HDAC9: variants seen among roughly 807,000 people sequenced by gnomAD.
HDAC9 encodes MEF-2 interacting transcription repressor (MITR) protein.
In HDAC9, 41 loss-of-function variants were observed where a neutral mutation model predicts 139.4. The ratio of observed to expected loss-of-function variants is 0.29; its 90% CI spans 0.23 to 0.38. The LOEUF is 0.38. Among genes scored for constraint, HDAC9 ranks in the 10% least tolerant of loss-of-function variants. The pLI is 1.00. For missense variants in HDAC9, 1,147 were observed against 1,297.0 expected, an observed-to-expected ratio of 0.88 and a Z score of 1.78; for synonymous variants, 517 against 476.2, an observed-to-expected ratio of 1.09 and a Z score of -1.12.
intron 6 of HDAC9, among the ~76,000 whole-genome samples, chr7:18,606,160 A>G (rs1584012766): frequency 6.6e-6 from 1 of 152,174 alleles, no homozygotes; most frequent in East Asian, 1.9e-4. Flanking sequence ...TCCAGATTTT[A>G]GCATGGCAGT....
intron 1 of HDAC9, among the ~76,000 whole-genome samples, chr7:18,301,489 A>C (rs1415638735): frequency 6.6e-6 from 1 of 151,930 alleles, no homozygotes; most frequent in Non-Finnish European, 1.5e-5. Context: ...CCAGAGACTT[A>C]TTTAGGTTTC....
chr7:18,329,580 A>T, intron 1 of HDAC9, among the ~76,000 whole-genome samples: 1 of 150,456 alleles, frequency 6.6e-6, no homozygotes, highest in Non-Finnish European at 1.5e-5. Context: ...CAGTGAATGG[A>T]ATGAACTGTA....
chr7:18,962,822 A>G (rs374438122), intron 24 of HDAC9, among the ~76,000 whole-genome samples: 1 of 152,186 alleles, frequency 6.6e-6, no homozygotes, highest in African/African-American at 2.4e-5. Context: ...TAATTCTGCA[A>G]TACACAGTTC....
chr7:18,229,972 TAAATA>T (rs1421934184), intron 2 of HDAC9, among the ~76,000 whole-genome samples: 2 of 152,174 alleles, frequency 1.3e-5, no homozygotes, highest in African/African-American at 2.4e-5. Flanking sequence ...GTCTTGAACT[TAAATA>T]AGAGAGAGAA....
rs182753944 is a variant in HDAC9, at chr7:18,182,282, T to C, written c.25+19933T>C. On this transcript the variant is annotated intron_variant, in intron 2 of 12. Coordinates refer to the HDAC9 transcript ENST00000417496. ...ACAGGTAATAGGTTGATATATACTT[T>C]TTAAAAATTTAGAAACATGATTTCT... 8.5e-5 allele frequency among the ~76,000 whole-genome samples: 13 copies of C among 152,368 alleles called. No homozygotes were observed. In the East Asian group the frequency reaches 2.3e-3, roughly 27 times the overall value.
intron 22 of HDAC9, among the ~76,000 whole-genome samples, chr7:18,904,757 A>G (rs996215157): frequency 3.3e-5 from 5 of 151,460 alleles, no homozygotes; most frequent in African/African-American, 1.2e-4. Context: ...TTGTATTTTT[A>G]GTAGAGACGA....
At chr7:18,627,815 T>G (rs1562643744) in intron 6 of HDAC9, among the ~76,000 whole-genome samples, 1 of 152,186 alleles carries the variant, frequency 6.6e-6, no homozygotes, top group Non-Finnish European at 1.5e-5. Flanking sequence ...TTGGTTTTTT[T>G]ATCTTTTCAG....
At chr7:18,327,545 C>G (rs1333685987) in intron 1 of HDAC9, 1 of 151,762 alleles carries the variant, frequency 6.6e-6, no homozygotes, top group Non-Finnish European at 1.5e-5. Flanking sequence ...GAATGTGCGA[C>G]ACTTCATCTT....
chr7:18,568,811 G>T (rs1176190069), intron 2 of HDAC9, among the ~76,000 whole-genome samples: 1 of 152,138 alleles, frequency 6.6e-6, no homozygotes, highest in Non-Finnish European at 1.5e-5. Context: ...ACTTTGGGAG[G>T]CCGAGGCGGG....
At chr7:18,431,487 T>C (rs1790656692) in intron 1 of HDAC9, among the ~76,000 whole-genome samples, 1 of 152,198 alleles carries the variant, frequency 6.6e-6, no homozygotes, top group Admixed American at 6.5e-5. Flanking sequence ...CCAAAATCTG[T>C]TATACTTTAA....
chr7:18,919,703 A>G (rs1376988463), intron 22 of HDAC9, among the ~76,000 whole-genome samples: 2 of 152,060 alleles, frequency 1.3e-5, no homozygotes, highest in African/African-American at 4.8e-5. Context: ...TGGAAGTCCT[A>G]GACCTGGAAT....
At chr7:18,380,023 T>G (rs1785295945) in intron 1 of HDAC9, among the ~76,000 whole-genome samples, 1 of 152,174 alleles carries the variant, frequency 6.6e-6, no homozygotes, top group South Asian at 2.1e-4. Context: ...TTTTAGTTTT[T>G]CTCTAAAACC....
intron 1 of HDAC9, among the ~76,000 whole-genome samples, chr7:18,159,833 C>T (rs1787500937): frequency 6.6e-6 from 1 of 152,006 alleles, no homozygotes; most frequent in Admixed American, 6.6e-5. Flanking sequence ...AATGTTAGAC[C>T]AATGTGTCAT....
At chr7:18,861,154 C>T (rs967498674) in intron 21 of HDAC9, among the ~76,000 whole-genome samples, 1 of 152,126 alleles carries the variant, frequency 6.6e-6, no homozygotes, top group Non-Finnish European at 1.5e-5. Flanking sequence ...TATTAAAATT[C>T]ACGGTATTTC....
intron 1 of HDAC9, among the ~76,000 whole-genome samples, chr7:18,420,061 A>G (rs551933120): frequency 6.6e-6 from 1 of 152,324 alleles, no homozygotes; most frequent in Admixed American, 6.5e-5. Context: ...GGGAAAGAGA[A>G]GCGGACCTGT....
At chr7:18,829,804 G>A (rs991601537) in intron 19 of HDAC9, among the ~76,000 whole-genome samples, 3 of 152,204 alleles carry the variant, frequency 2.0e-5, no homozygotes, top group Non-Finnish European at 4.4e-5. Flanking sequence ...ATCCTTAAAT[G>A]AATTGATACT....
At chr7:18,666,559 A>G (rs1794947981) in intron 12 of HDAC9, 83 bp downstream of exon 12, 1 of 1,532,734 alleles carries the variant, frequency 6.5e-7, no homozygotes, top group Non-Finnish European at 8.8e-7. Flanking sequence ...TGGTAAATGG[A>G]TATGATTTCC....
intron 2 of HDAC9, among the ~76,000 whole-genome samples, chr7:18,573,603 G>GGT (rs1316775692): frequency 1.3e-5 from 2 of 152,114 alleles, no homozygotes; most frequent in African/African-American, 4.8e-5. Context: ...AGCGGTGAGG[G>GGT]GTGTGTGTGT....
At chr7:18,510,004 A>G (rs1006887799) in intron 2 of HDAC9, among the ~76,000 whole-genome samples, 2 of 152,204 alleles carry the variant, frequency 1.3e-5, no homozygotes, top group African/African-American at 2.4e-5. Context: ...TTATTGCACA[A>G]TGTGTTTTTA....
Sources: allele counts gnomAD v4.1 joint callset (sites outside exome capture counted in the v4.1 genomes callset), GRCh38; gene constraint gnomAD v4.1.1; transcripts MANE v1.5; gene names NCBI Gene and HGNC (gene_info 2026-07-23, HGNC 2026-07-21).